Variants in ACAA2 observed in about 807,000 individuals in gnomAD.
ACAA2 encodes acetyl-CoA acyltransferase 2, also known as 3-ketoacyl-CoA thiolase, mitochondrial.
ACAA2 carries 35 observed loss-of-function variants against 44.8 expected under a neutral mutation model. The ratio of observed to expected loss-of-function variants is 0.78; its 90% CI spans 0.60 to 1.04. The LOEUF (loss-of-function observed/expected upper bound fraction) is 1.04. ACAA2 is among the 50% of genes least tolerant of loss of function. The pLI, the probability that ACAA2 is intolerant of heterozygous loss-of-function variation, is 0.00. For missense variants in ACAA2, 468 were observed against 482.6 expected (o/e 0.97, Z 0.28); for synonymous variants, 142 against 166.5 (o/e 0.85, Z 1.13).
In ACAA2 at chr18:49,783,904, T is replaced by C; in HGVS notation, c.1137A>G (p.Gly379=). The change falls in exon 10 of 10, where the codon GGA becomes GGG. Residue 379 remains glycine (G), a synonymous_variant. Transcript: ENST00000285093. ...CTTGGCCACCTCCAATGCAAGCTGA[T>C]CCAACGGCATATTTTCCACCTCGAC... ...LRRRGGKYAV[G]SACIGGGQGI... is the part of the protein sequence containing the mutation. The C allele has an allele frequency of 1.2e-6, 2 of 1,614,036 alleles. No individual in the cohort carries two copies.
chr18:49,796,633 G>A (rs1024971022), intron 3 of ACAA2, among the ~76,000 whole-genome samples: 4 of 152,142 alleles, frequency 2.6e-5, no homozygotes, highest in African/African-American at 9.7e-5. Context: ...AAACTAGTTT[G>A]TACTTCTACT....
chr18:49,801,461 C>T (rs1366508531), intron 2 of ACAA2, among the ~76,000 whole-genome samples: 1 of 152,054 alleles, frequency 6.6e-6, no homozygotes, highest in African/African-American at 2.4e-5. Context: ...TCAATCTGTT[C>T]TAATGCCTTC....
At chr18:49,804,309 A>T (rs528492357) in intron 1 of ACAA2, among the ~76,000 whole-genome samples, 72 of 152,182 alleles carry the variant, frequency 4.7e-4, no homozygotes, top group Non-Finnish European at 8.5e-4. Context: ...ACAGATAGAG[A>T]TGTAGTTTCT....
At chr18:49,809,797 C>T (rs147356209) in intron 1 of ACAA2, among the ~76,000 whole-genome samples, 16 of 152,260 alleles carry the variant, frequency 1.1e-4, no homozygotes, top group African/African-American at 3.4e-4. Context: ...ATACTGACAT[C>T]GGTCATTTGC....
intron 6 of ACAA2, 26 bp from the exon 7 acceptor site, chr18:49,791,625 C>G: frequency 6.2e-7 from 1 of 1,608,996 alleles, no homozygotes; most frequent in South Asian, 1.1e-5. Context: ...ACTAGATTAA[C>G]TAAAGGCTAA....
chr18:49,802,637 A>G, intron 2 of ACAA2, 50 bp downstream of exon 2: 1 of 1,530,288 alleles, frequency 6.5e-7, no homozygotes, highest in African/African-American at 1.4e-5. Flanking sequence ...TATTTTTAGA[A>G]ACTGATCAAA....
intron 2 of ACAA2, among the ~76,000 whole-genome samples, chr18:49,799,639 C>T (rs1440315308): frequency 2.0e-5 from 3 of 151,958 alleles, no homozygotes; most frequent in Non-Finnish European, 4.4e-5. Context: ...GCTGCCACCC[C>T]GTCTGGGAAG....
chr18:49,797,483 T>A lies in ACAA2; in HGVS notation c.295A>T (p.Ile99Phe), dbSNP rs766665581. The A allele has an allele frequency of 6.2e-7, 1 of 1,610,422 alleles. No homozygotes were observed. The highest frequency in any genetic ancestry group is 1.7e-5 in the Admixed American group (1 of 59,596). The change falls in exon 3 of 10, where the codon ATT becomes TTT. Residue 99 changes from isoleucine (I) to phenylalanine (F), a missense_variant. Coordinates refer to ENST00000285093, the MANE Select transcript of ACAA2 (RefSeq NM_006111.3). The part of the protein sequence containing the change: ...NRLCGSGFQS[I>F]VNGCQEICVK... ...GTCCATACCTGACATCCATTCACAATGGACTGAAAACCAGAACCACAGAGC... is the reference window on the plus strand; with the variant it reads ...GTCCATACCTGACATCCATTCACAAAGGACTGAAAACCAGAACCACAGAGC...
At chr18:49,802,257 C>T (rs2023559708) in intron 2 of ACAA2, among the ~76,000 whole-genome samples, 1 of 152,172 alleles carries the variant, frequency 6.6e-6, no homozygotes, top group African/African-American at 2.4e-5. Context: ...ACTCAAATTA[C>T]AAACGTATAA....
rs1448565819 is a variant in ACAA2 at position 49,787,277 on chromosome 18, A to AAAAC, written c.954+13_954+14insGTTT. On this transcript the variant is annotated intron_variant, in intron 8 of 9. Coordinates refer to ENST00000285093, the MANE Select transcript of ACAA2 (RefSeq NM_006111.3). ...CATGTTGTTAAAAAAAAAAAAAAAA[A>AAAAC]AAAAAACACTTACCTCTACCAAATC... 48 of 1,465,158 alleles carry AAAAC rather than the reference A, an allele frequency of 3.3e-5. No homozygotes were observed. The highest frequency in any genetic ancestry group is 4.0e-5 in the Non-Finnish European group (45 of 1,115,728). 90.8% of individuals were successfully genotyped at this position (1,465,158 alleles called of 1,614,324 possible).
intron 4 of ACAA2, among the ~76,000 whole-genome samples, chr18:49,795,431 T>A (rs2023453929): frequency 6.6e-6 from 1 of 152,194 alleles, no homozygotes; most frequent in Admixed American, 6.5e-5. Context: ...TGTTTAGTAG[T>A]GAGATTAATT....
intron 1 of ACAA2, among the ~76,000 whole-genome samples, chr18:49,811,762 A>G (rs2023672034): frequency 6.6e-6 from 1 of 152,106 alleles, no homozygotes; most frequent in Non-Finnish European, 1.5e-5. Flanking sequence ...ATACACAACC[A>G]CTTTACCTCT....
intron 2 of ACAA2, among the ~76,000 whole-genome samples, chr18:49,800,219 TG>T (rs1334166236): frequency 2.6e-5 from 3 of 114,956 alleles, no homozygotes; most frequent in South Asian, 2.9e-4. Flanking sequence ...GTCCGGGAGG[TG>T]GGGGGGTCAG....
At chr18:49,789,909 G>A (rs1368529721) in intron 7 of ACAA2, among the ~76,000 whole-genome samples, 5 of 151,518 alleles carry the variant, frequency 3.3e-5, no homozygotes, top group East Asian at 2.0e-4. Context: ...CTGAGATCAC[G>A]CCACTGCACT....
Position 49,812,191 on chromosome 18 carries a change from C to G in ACAA2, c.16+1278G>C, listed in dbSNP as rs993047784. On this transcript the variant is annotated intron_variant, in intron 1 of 9. Transcript: ENST00000285093. ...GGAAACTGTAAACACTGCATTTGGT[C>G]CCAGAATACGGATTTTTCCCTTGAT... 2.0e-5 allele frequency among the ~76,000 whole-genome samples: 3 copies of G among 152,134 alleles called. No homozygotes were observed. The South Asian group carries it at 6.2e-4, about 31-fold the overall frequency.
chr18:49,808,055 G>C (rs910485288), intron 1 of ACAA2, among the ~76,000 whole-genome samples: 1 of 147,164 alleles, frequency 6.8e-6, no homozygotes, highest in South Asian at 2.1e-4. Flanking sequence ...CCTTACTAAA[G>C]AAGATATACA....
intron 1 of ACAA2, among the ~76,000 whole-genome samples, chr18:49,809,393 A>C (rs2023644551): frequency 6.6e-6 from 1 of 152,200 alleles, no homozygotes; most frequent in Non-Finnish European, 1.5e-5. Flanking sequence ...GGGAAGTGAT[A>C]AATGTCCATG....
chr18:49,783,707 T>A lies in ACAA2; in HGVS notation c.*140A>T. 1 of 632,246 alleles carries A rather than the reference T, an allele frequency of 1.6e-6. No individual in the cohort carries two copies. Among genetic ancestry groups the A allele is most frequent in the Non-Finnish European group, 2.8e-6 (1 of 353,152 alleles). 39.2% of individuals were successfully genotyped at this position (632,246 alleles called of 1,614,324 possible). A position where few individuals can be genotyped will look rare whatever the true frequency, so the allele number is the denominator to read the frequency against. On this transcript the variant is annotated 3_prime_UTR_variant, in exon 10 of 10. Transcript: ENST00000285093. Reference sequence around the variant, plus strand: ...TATTCATGATCAATGCATTTTTGTGTCACCATGGCTTGATCAAACTTAATC... The same window carrying A: ...TATTCATGATCAATGCATTTTTGTGACACCATGGCTTGATCAAACTTAATC...
intron 1 of ACAA2, among the ~76,000 whole-genome samples, chr18:49,804,135 TC>T (rs368905905): frequency 1.9e-3 from 286 of 152,202 alleles, no homozygotes; most frequent in African/African-American, 6.8e-3. Context: ...GGTCTTGAAC[TC>T]CTGACCTCAG....
Sources: allele counts gnomAD v4.1 joint callset (sites outside exome capture counted in the v4.1 genomes callset), GRCh38; gene constraint gnomAD v4.1.1; transcripts MANE v1.5; gene names NCBI Gene and HGNC (gene_info 2026-07-23, HGNC 2026-07-21).